The following ARHGAP8 variants were observed in gnomAD, a reference collection of about 807,000 sequenced individuals.
The protein encoded by ARHGAP8 is rho GTPase-activating protein 8.
Under a neutral mutation model 46.1 loss-of-function variants are expected in ARHGAP8, and 62 were observed. That is an observed-to-expected ratio of 1.34 (90% CI 1.10 to 1.66). The LOEUF (loss-of-function observed/expected upper bound fraction) is 1.66, where lower values mean the gene tolerates loss of function less well. Ranked by LOEUF, ARHGAP8 falls within the 40% of genes most tolerant of loss-of-function variation. The pLI, the probability that ARHGAP8 is intolerant of heterozygous loss-of-function variation, is 0.00. For synonymous variants in ARHGAP8, 375 were observed against 243.1 expected (o/e 1.54, Z -5.05); for missense variants, 923 against 568.4 (o/e 1.62, Z -6.34).
chr22:44,820,874 T>G (rs1930080499), intron 5 of ARHGAP8, among the ~76,000 whole-genome samples: 1 of 152,180 alleles, frequency 6.6e-6, no homozygotes. Flanking sequence ...GGCGCTGGAC[T>G]GAGCTGTGGG....
chr22:44,788,096 T>C (rs1927407821), intron 2 of ARHGAP8, among the ~76,000 whole-genome samples: 1 of 49,710 alleles, frequency 2.0e-5, no homozygotes, highest in East Asian at 9.9e-4. Flanking sequence ...TTTTATTATA[T>C]GTTATTATTA....
intron 7 of ARHGAP8, among the ~76,000 whole-genome samples, chr22:44,843,824 CAAA>C (rs56308320): frequency 0.019 from 1,748 of 93,072 alleles, 32 homozygotes; most frequent in African/African-American, 0.061. Flanking sequence ...GACCTTGTCT[CAAA>C]AAAAAAAAAA....
intron 1 of ARHGAP8, 114 bp downstream of exon 1, chr22:44,752,741 G>C (rs1407266925): frequency 6.6e-6 from 1 of 151,638 alleles, no homozygotes; most frequent in South Asian, 2.1e-4. Context: ...CGCTGGCCGG[G>C]TAGGGACGCC....
At chr22:44,761,066 G>A (rs1203828354) in intron 1 of ARHGAP8, among the ~76,000 whole-genome samples, 2 of 152,196 alleles carry the variant, frequency 1.3e-5, no homozygotes, top group Non-Finnish European at 1.5e-5. Context: ...TGATGATTAC[G>A]AAGGACCTGC....
Position 44,808,371 on chromosome 22 carries a change from G to T in ARHGAP8, c.232G>T (p.Gly78Trp), listed in dbSNP as rs538343031. The change falls in exon 4 of 12, where the codon GGG becomes TGG. Residue 78 changes from glycine (G) to tryptophan (W), a missense_variant. By Grantham distance (184) the Gly-to-Trp change is radical (BLOSUM62 -2). Coordinates refer to ENST00000356099, the MANE Select transcript of ARHGAP8 (RefSeq NM_181335.3). Reference protein sequence around the residue: ...NDYTIVYFHYGLNSRNKPSLG... With the variant: ...NDYTIVYFHYWLNSRNKPSLG... ...TTATACCATCGTCTATTTCCACTAC[G>T]GGCTGAACAGCCGGAACAAGCCTTC... 1 of 1,614,082 alleles carries T rather than the reference G, an allele frequency of 6.2e-7. No individual in the cohort carries two copies. The highest frequency in any genetic ancestry group is 1.3e-5 in the African/African-American group (1 of 74,926).
In ARHGAP8 at chr22:44,843,464, TG is replaced by T. The variant is rs1245041411; in HGVS notation, c.597-1804del. Among the ~76,000 whole-genome samples the T allele has an allele frequency of 2.0e-5, 3 of 152,294 alleles. No homozygotes were observed. In the East Asian group the frequency reaches 5.8e-4, roughly 29 times the overall value. ...TTTAAGAATATCTTTGAAAGTAGATTGACTGTTTAAATAAAAATAATAAAGT... is the reference window on the plus strand; with the variant it reads ...TTTAAGAATATCTTTGAAAGTAGATTACTGTTTAAATAAAAATAATAAAGT... On this transcript the variant is annotated intron_variant, in intron 7 of 11. Coordinates refer to ENST00000356099, the MANE Select transcript of ARHGAP8 (RefSeq NM_181335.3).
chr22:44,802,177 C>CCCCCTCTCTTTCTGT lies in ARHGAP8; in HGVS notation c.167+17_167+31dup. The CCCCCTCTCTTTCTGT allele has an allele frequency of 6.2e-7, 1 of 1,613,878 alleles. No homozygotes were observed. Reference sequence around the variant, plus strand: ...AGCGGCTGCTGGAGTAAGTGTTCTGCCCCCTCTCTTTCTGTCCCTGTCTCT... The same window carrying CCCCCTCTCTTTCTGT: ...AGCGGCTGCTGGAGTAAGTGTTCTGCCCCCTCTCTTTCTGTCCCCTCTCTTTCTGTCCCTGTCTCT... On this transcript the variant is annotated intron_variant, in intron 3 of 11. Transcript: ENST00000356099.
chr22:44,862,281 C>A lies in ARHGAP8; in HGVS notation c.988C>A (p.Arg330=), dbSNP rs150225391. Residue 330 remains arginine, a synonymous_variant, in exon 12 of 12, where the codon CGG becomes AGG. Coordinates refer to ENST00000356099, the MANE Select transcript of ARHGAP8 (RefSeq NM_181335.3). ...TGTGTGTGGTTTCCTCCAGGTGTCC[C>A]GGGAGAGCATCTTCAACAAAATGAA... ...YLMGFLHAVS[R]ESIFNKMNSS... is the part of the protein sequence containing the mutation. 11 of 1,591,024 alleles carry A rather than the reference C, an allele frequency of 6.9e-6. No homozygotes were observed. Among genetic ancestry groups the A allele is most frequent in the Non-Finnish European group, 9.5e-6 (11 of 1,163,566 alleles).
intron 2 of ARHGAP8, among the ~76,000 whole-genome samples, chr22:44,798,549 A>G (rs1367045330): frequency 3.0e-5 from 4 of 134,856 alleles, no homozygotes; most frequent in African/African-American, 1.1e-4. Context: ...TTTTTTGGGT[A>G]GGGCTGGGGT....
chr22:44,849,110 GT>G, intron 10 of ARHGAP8, 50 bp downstream of exon 10: 2 of 1,608,618 alleles, frequency 1.2e-6, no homozygotes, highest in Non-Finnish European at 1.7e-6. Flanking sequence ...CTCAGATGCT[GT>G]CCCCCAGCTA....
chr22:44,772,219 T>A (rs1024828448), intron 1 of ARHGAP8, among the ~76,000 whole-genome samples: 1 of 146,536 alleles, frequency 6.8e-6, no homozygotes, highest in Non-Finnish European at 1.5e-5. Context: ...TACTACTGTT[T>A]TGCCTTTTTT....
Position 44,786,599 on chromosome 22 carries a change from G to T in ARHGAP8, c.72G>T (p.Gln24His), listed in dbSNP as rs1270358251. Residue 24 changes from glutamine to histidine, a missense_variant, in exon 2 of 12, where the codon CAG (glutamine) becomes CAT (histidine). Transcript: ENST00000356099. ...FYDVARHGIL[Q>H]VAGDDRFGRR... is the part of the protein sequence containing the mutation. Reference sequence around the variant, plus strand: ...ACGTGGCCAGACATGGCATTCTGCAGGTGGCAGGTAGGGCCCCAGCTGGGC... The same window carrying T: ...ACGTGGCCAGACATGGCATTCTGCATGTGGCAGGTAGGGCCCCAGCTGGGC... The T allele has an allele frequency of 1.2e-6, 2 of 1,613,274 alleles. No homozygotes were observed. The highest frequency in any genetic ancestry group is 4.5e-5 in the East Asian group (2 of 44,868).
At chr22:44,802,027 A>G (rs1569152563) in intron 2 of ARHGAP8, 50 bp from the exon 3 acceptor site, 2 of 1,606,348 alleles carry the variant, frequency 1.2e-6, no homozygotes, top group East Asian at 4.5e-5. Context: ...GTGCCTGAGG[A>G]TTTTCTAGGA....
chr22:44,781,033 C>T (rs1243787984), intron 1 of ARHGAP8, among the ~76,000 whole-genome samples: 4 of 152,162 alleles, frequency 2.6e-5, no homozygotes, highest in African/African-American at 4.8e-5. Flanking sequence ...CTCCCGTGCA[C>T]GTGTGTCCAA....
At chr22:44,792,130 G>A (rs1927736102) in intron 2 of ARHGAP8, among the ~76,000 whole-genome samples, 1 of 151,782 alleles carries the variant, frequency 6.6e-6, no homozygotes, top group Non-Finnish European at 1.5e-5. Flanking sequence ...CTCTGCCTCA[G>A]CCTCCCGAGT....
intron 1 of ARHGAP8, among the ~76,000 whole-genome samples, chr22:44,776,541 A>G (rs1191319143): frequency 2.0e-5 from 3 of 152,160 alleles, no homozygotes; most frequent in Non-Finnish European, 4.4e-5. Context: ...GGTAAGCAAC[A>G]TCTCCTGAAG....
intron 11 of ARHGAP8, among the ~76,000 whole-genome samples, chr22:44,860,619 G>GT (rs2070429718): frequency 1.7e-5 from 2 of 121,174 alleles, no homozygotes; most frequent in South Asian, 5.8e-4. Context: ...TATCTTAGAG[G>GT]GGCCACCATT....
At chr22:44,837,325 C>T (rs757595311) in intron 7 of ARHGAP8, among the ~76,000 whole-genome samples, 1 of 152,202 alleles carries the variant, frequency 6.6e-6, no homozygotes, top group Non-Finnish European at 1.5e-5. Flanking sequence ...GCTGAGAGTC[C>T]CCGATGCCCT....
intron 10 of ARHGAP8, chr22:44,850,889 A>T (rs1457500228): frequency 7.0e-6 from 1 of 143,642 alleles, no homozygotes; most frequent in African/African-American, 2.7e-5. Context: ...ACTTGAACCC[A>T]GGAGGCAGAG....
Sources: gnomAD v4.1 joint callset for allele counts (sites outside exome capture counted in the v4.1 genomes callset) on GRCh38, gnomAD v4.1.1 for gene constraint, MANE v1.5 for transcripts, NCBI Gene and HGNC (gene_info 2026-07-23, HGNC 2026-07-21) for gene names.